The following KAZN variants were observed in gnomAD, a reference collection of about 807,000 sequenced individuals.
KAZN encodes the protein kazrin, periplakin interacting protein.
KAZN carries 40 observed loss-of-function variants against 87.4 expected under a neutral mutation model. That is an observed-to-expected ratio of 0.46 (90% confidence interval 0.36 to 0.60). The LOEUF is 0.60. Ranked by LOEUF, KAZN falls within the 20% of genes least tolerant of loss-of-function variation. The pLI, the probability that KAZN is intolerant of heterozygous loss-of-function variation, is 0.00. For missense variants in KAZN, 898 were observed against 1,073.9 expected (o/e 0.84, Z 2.29); for synonymous variants, 466 against 458.3 (o/e 1.02, Z -0.22).
At chr1:14,288,367 G>C (rs1653422924) in intron 2 of KAZN, among the ~76,000 whole-genome samples, 3 of 152,028 alleles carry the variant, frequency 2.0e-5, no homozygotes, top group Admixed American at 1.3e-4. Context: ...GCCTGTTATT[G>C]GTCTATTCAG....
intron 1 of KAZN, among the ~76,000 whole-genome samples, chr1:13,990,400 T>C (rs1011419332): frequency 6.6e-6 from 1 of 152,304 alleles, no homozygotes; most frequent in Non-Finnish European, 1.5e-5. Context: ...ATAAACATTA[T>C]GATGAGTGAA....
At chr1:14,010,172 C>T (rs116418376) in intron 1 of KAZN, among the ~76,000 whole-genome samples, 1 of 151,832 alleles carries the variant, frequency 6.6e-6, no homozygotes, top group African/African-American at 2.4e-5. Flanking sequence ...TGTTAGTTAT[C>T]TTTGCTCCTG....
At chr1:14,523,265 T>C (rs1221355606) in intron 2 of KAZN, among the ~76,000 whole-genome samples, 1 of 152,112 alleles carries the variant, frequency 6.6e-6, no homozygotes, top group Admixed American at 6.5e-5. Flanking sequence ...GCAATAAACT[T>C]TTCTTCAAAG....
Position 14,385,110 on chromosome 1 carries a change from G to A in KAZN, c.249+204518G>A, listed in dbSNP as rs370531472. Among the ~76,000 whole-genome samples the A allele has an allele frequency of 2.8e-4, 43 of 152,134 alleles. 2 individuals are homozygous for A. In the East Asian group the frequency reaches 7.3e-3, roughly 26 times the overall value. On this transcript the variant is annotated intron_variant, in intron 2 of 16. Coordinates refer to the KAZN transcript ENST00000636203. ...TTTTCTAGTTTATTTGCGTAGAGGT[G>A]TTTGTAGTATTCTCTGATGGTAGTT...
intron 2 of KAZN, among the ~76,000 whole-genome samples, chr1:15,031,222 T>C (rs906896269): frequency 6.6e-6 from 1 of 152,208 alleles, no homozygotes; most frequent in Non-Finnish European, 1.5e-5. Context: ...GGGTCAGACA[T>C]GGCTGCGTGA....
chr1:14,716,938 T>C (rs1004700861), intron 1 of KAZN, among the ~76,000 whole-genome samples: 8 of 151,894 alleles, frequency 5.3e-5, no homozygotes, highest in Admixed American at 3.9e-4. Context: ...GAGCATCTTA[T>C]GCTTTCTGGC....
chr1:15,009,078 C>A (rs1301904485), intron 2 of KAZN, among the ~76,000 whole-genome samples: 5 of 152,236 alleles, frequency 3.3e-5, no homozygotes, highest in African/African-American at 1.2e-4. Context: ...CCAGCAGCCC[C>A]CTTCCCTCCA....
At chr1:14,950,195 G>A (rs1355746666) in intron 1 of KAZN, among the ~76,000 whole-genome samples, 1 of 151,972 alleles carries the variant, frequency 6.6e-6, no homozygotes, top group Admixed American at 6.6e-5. Context: ...TCCTATTTGG[G>A]GATTGCTGTA....
intron 2 of KAZN, among the ~76,000 whole-genome samples, chr1:14,493,418 C>T (rs1159991350): frequency 6.6e-6 from 1 of 152,138 alleles, no homozygotes; most frequent in Non-Finnish European, 1.5e-5. Context: ...AGCTGAGCTG[C>T]TCAGGTCCCA....
chr1:14,719,819 AAAG>A (rs1319280058), intron 1 of KAZN, among the ~76,000 whole-genome samples: 1 of 152,222 alleles, frequency 6.6e-6, no homozygotes, highest in African/African-American at 2.4e-5. Context: ...AGCCTAGGCA[AAAG>A]AGTGAGACTC....
intron 2 of KAZN, among the ~76,000 whole-genome samples, chr1:14,500,375 C>T (rs1557760705): frequency 6.6e-6 from 1 of 152,138 alleles, no homozygotes. Context: ...CTAAACTTTA[C>T]TTGTTTTATT....
chr1:14,088,774 G>A (rs1277688036), intron 1 of KAZN, among the ~76,000 whole-genome samples: 2 of 151,754 alleles, frequency 1.3e-5, no homozygotes, highest in African/African-American at 4.8e-5. Flanking sequence ...TCTTCTTTTA[G>A]TTATATCATT....
intron 1 of KAZN, among the ~76,000 whole-genome samples, chr1:13,997,008 C>G (rs1191790513): frequency 6.6e-6 from 1 of 152,214 alleles, no homozygotes; most frequent in African/African-American, 2.4e-5. Context: ...GGAGCAGGCA[C>G]CTGCCTTTGC....
intron 1 of KAZN, among the ~76,000 whole-genome samples, chr1:14,054,191 C>G (rs1642455617): frequency 6.6e-6 from 1 of 151,970 alleles, no homozygotes; most frequent in African/African-American, 2.4e-5. Context: ...GTAACTGGAC[C>G]TGTGCAGTTC....
chr1:14,873,996 C>T (rs545471514), intron 1 of KAZN, among the ~76,000 whole-genome samples: 2 of 151,922 alleles, frequency 1.3e-5, no homozygotes, highest in Admixed American at 6.6e-5. Context: ...GGGGCAGGAG[C>T]GAGTTTAGAG....
chr1:14,912,363 G>A (rs529777695), intron 1 of KAZN, among the ~76,000 whole-genome samples: 1 of 152,242 alleles, frequency 6.6e-6, no homozygotes, highest in South Asian at 2.1e-4. Context: ...CAGCCAGGGA[G>A]GTCACATACC....
At chr1:14,621,903 G>A (rs1250981118) in intron 1 of KAZN, among the ~76,000 whole-genome samples, 1 of 152,170 alleles carries the variant, frequency 6.6e-6, no homozygotes, top group African/African-American at 2.4e-5. Flanking sequence ...TTAGCAACGT[G>A]AGAACAGACT....
intron 1 of KAZN, among the ~76,000 whole-genome samples, chr1:14,931,996 C>T (rs111549183): frequency 4.6e-5 from 7 of 152,258 alleles, no homozygotes; most frequent in Admixed American, 2.0e-4. Context: ...ACAAGACTGC[C>T]GTGCAGTGAG....
chr1:14,318,931 G>A (rs1459433393), intron 2 of KAZN, among the ~76,000 whole-genome samples: 1 of 151,696 alleles, frequency 6.6e-6, no homozygotes, highest in Non-Finnish European at 1.5e-5. Context: ...TATTTGGAAA[G>A]AGTTAAAAAC....
Sources: allele counts gnomAD v4.1 joint callset (sites outside exome capture counted in the v4.1 genomes callset), GRCh38; gene constraint gnomAD v4.1.1; transcripts MANE v1.5; gene names NCBI Gene and HGNC (gene_info 2026-07-23, HGNC 2026-07-21).